The following CX3CL1 variants were observed in gnomAD, a reference collection of about 807,000 sequenced individuals.
The protein encoded by CX3CL1 is fractalkine.
Under a neutral mutation model 14.1 loss-of-function variants are expected in CX3CL1, and 1 was observed. That is an observed-to-expected ratio of 0.07 (90% CI 0.03 to 0.34). CX3CL1 has a LOEUF of 0.34. Ranked by LOEUF, CX3CL1 falls within the 10% of genes least tolerant of loss-of-function variation. CX3CL1 has a pLI of 0.99. For synonymous variants in CX3CL1, 255 were observed against 229.6 expected (o/e 1.11, Z -1.00); for missense variants, 505 against 536.4 (o/e 0.94, Z 0.58).
chr16:57,375,302 A>C (rs1902232220), intron 1 of CX3CL1, among the ~76,000 whole-genome samples: 1 of 152,094 alleles, frequency 6.6e-6, no homozygotes, highest in Non-Finnish European at 1.5e-5. Flanking sequence ...CTCTAGAGCA[A>C]TGGTCCTCAG....
intron 1 of CX3CL1, chr16:57,378,336 G>C (rs1191302844): frequency 6.6e-6 from 1 of 152,126 alleles, no homozygotes; most frequent in East Asian, 1.9e-4. Flanking sequence ...AGAATCACTT[G>C]CGGTCGGGGT....
intron 1 of CX3CL1, among the ~76,000 whole-genome samples, chr16:57,373,400 A>T (rs953825179): frequency 2.1e-4 from 32 of 152,208 alleles, no homozygotes; most frequent in African/African-American, 7.7e-4. Context: ...GTAGGGCAGG[A>T]GAAGGTAAGA....
At chr16:57,373,325 C>A (rs1370647754) in intron 1 of CX3CL1, among the ~76,000 whole-genome samples, 1 of 152,190 alleles carries the variant, frequency 6.6e-6, no homozygotes, top group Non-Finnish European at 1.5e-5. Context: ...ACCATCCTAC[C>A]TGATATGGAT....
chr16:57,381,699 A>G (rs1185230967), intron 2 of CX3CL1, among the ~76,000 whole-genome samples: 1 of 152,168 alleles, frequency 6.6e-6, no homozygotes, highest in Non-Finnish European at 1.5e-5. Flanking sequence ...AAGTAGGGTG[A>G]TCAACTCGTC....
At chr16:57,375,144 A>C (rs1178076252) in intron 1 of CX3CL1, among the ~76,000 whole-genome samples, 3 of 111,820 alleles carry the variant, frequency 2.7e-5, no homozygotes, top group African/African-American at 7.6e-5. Flanking sequence ...CATTTAAAAA[A>C]AAAAAAAAGA....
At chr16:57,376,267 T>C (rs1043476504) in intron 1 of CX3CL1, among the ~76,000 whole-genome samples, 1 of 152,250 alleles carries the variant, frequency 6.6e-6, no homozygotes, top group Non-Finnish European at 1.5e-5. Flanking sequence ...CCAGCATTTG[T>C]TGGTTGACTG....
rs1471026374 is a variant in CX3CL1, at chr16:57,381,964, C to G, written c.192-66C>G. On this transcript the variant is annotated intron_variant, in intron 2 of 2. Transcript: ENST00000006053. ...CTGCAGAGTATTGGTGCTGTGCCCC[C>G]ACACCACGCTGGCCCGGGTTTCTGG... The G allele has an allele frequency of 1.2e-5, 18 of 1,497,068 alleles. No individual in the cohort carries two copies. In the East Asian group the frequency reaches 3.9e-4, roughly 32 times the overall value. 92.7% of individuals were successfully genotyped at this position (1,497,068 alleles called of 1,614,324 possible). A position where few individuals can be genotyped will look rare whatever the true frequency, so the allele number is the denominator to read the frequency against.
At chr16:57,380,776 G>A (rs1902308848) in intron 2 of CX3CL1, among the ~76,000 whole-genome samples, 1 of 152,212 alleles carries the variant, frequency 6.6e-6, no homozygotes, top group African/African-American at 2.4e-5. Flanking sequence ...TAACCAGCCA[G>A]CCCTGAGGCC....
chr16:57,379,646 G>C lies in CX3CL1; in HGVS notation c.83G>C (p.Gly28Ala), dbSNP rs1468466971. The change falls in exon 2 of 3, where the codon GGT becomes GCT. Residue 28 changes from glycine to alanine, a missense_variant. Physicochemically the swap from Gly to Ala is moderately conservative, Grantham distance 60. Coordinates refer to ENST00000006053, the MANE Select transcript of CX3CL1 (RefSeq NM_002996.6). Reference sequence around the variant, plus strand: ...TCTTTGAACTCAGGACAGCACCACGGTGTGACGAAATGCAACATCACGTGC... The same window carrying C: ...TCTTTGAACTCAGGACAGCACCACGCTGTGACGAAATGCAACATCACGTGC... ...LTVLLAGQHH[G>A]VTKCNITCSK... 1 of 1,614,198 alleles carries C rather than the reference G, an allele frequency of 6.2e-7. No individual in the cohort carries two copies. The highest frequency in any genetic ancestry group is 2.2e-5 in the East Asian group (1 of 44,890).
At chr16:57,378,259 A>T (rs112252488) in intron 1 of CX3CL1, 2 of 152,130 alleles carry the variant, frequency 1.3e-5, no homozygotes, top group African/African-American at 2.4e-5. Context: ...TATATTTTTT[A>T]AAAAGTTTAT....
Position 57,382,830 on chromosome 16 carries a change from T to C in CX3CL1, c.992T>C (p.Val331Ala). Residue 331 changes from valine to alanine, a missense_variant, in exon 3 of 3, where the codon GTC becomes GCC. Val to Ala is a moderately conservative substitution (Grantham distance 64). Transcript: ENST00000006053. The surrounding 1 kb of genome is among the most constrained non-coding windows in gnomAD (Gnocchi z 6.9). The part of the protein sequence containing the change: ...PQRLGVLITP[V>A]PDAQAATRRQ... Reference sequence around the variant, plus strand: ...AGGCTGGGCGTCCTTATCACTCCTGTCCCTGACGCCCAGGCTGCCACCCGG... The same window carrying C: ...AGGCTGGGCGTCCTTATCACTCCTGCCCCTGACGCCCAGGCTGCCACCCGG... 2 of 1,569,478 alleles carry C rather than the reference T, an allele frequency of 1.3e-6. No homozygotes were observed. Among genetic ancestry groups the C allele is most frequent in the Non-Finnish European group, 1.7e-6 (2 of 1,154,082 alleles).
intron 1 of CX3CL1, among the ~76,000 whole-genome samples, chr16:57,374,168 C>T (rs1038637761): frequency 1.3e-5 from 2 of 152,132 alleles, no homozygotes; most frequent in East Asian, 1.9e-4. Context: ...TCCTCTCCCA[C>T]GCTGACATGT....
chr16:57,381,935 T>G, intron 2 of CX3CL1, 95 bp from the exon 3 acceptor site: 1 of 1,351,604 alleles, frequency 7.4e-7, no homozygotes, highest in Non-Finnish European at 1.0e-6. Flanking sequence ...CCGGGTGTGT[T>G]CACCTGCAGA....
At position 57,383,226 on chromosome 16, in the gene CX3CL1, G is replaced by A; in HGVS notation, c.*194G>A. ...AGCCTTGACCATTCTCCACCTGCCA[G>A]GGACAGAGGGGGTGGCCTCCCAACT... On this transcript the variant is annotated 3_prime_UTR_variant, in exon 3 of 3. Coordinates refer to ENST00000006053, the MANE Select transcript of CX3CL1 (RefSeq NM_002996.6). 3 of 438,222 alleles carry A rather than the reference G, an allele frequency of 6.8e-6. No homozygotes were observed. Among genetic ancestry groups the A allele is most frequent in the Non-Finnish European group, 1.1e-5 (3 of 262,274 alleles). The allele number at this position is 438,222 out of a possible 1,614,324, so 27.1% of individuals were successfully genotyped here.
At position 57,376,488 on chromosome 16, in the gene CX3CL1, ATGGG is replaced by A. The variant is rs1217894806; in HGVS notation, c.71-3142_71-3139del. ...GATGGATGGATGGATGGATGGATGG[ATGGG>A]TGGATAGATGGATGAATGGATGGAT... On this transcript the variant is annotated intron_variant, in intron 1 of 2. Transcript: ENST00000006053. Among the ~76,000 whole-genome samples, 1,218 of 148,130 alleles carry A rather than the reference ATGGG, an allele frequency of 8.2e-3. 11 individuals are homozygous for A. Among genetic ancestry groups the A allele is most frequent in the Middle Eastern group, 0.025 (7 of 284 alleles).
chr16:57,379,799 G>A, intron 2 of CX3CL1, 45 bp downstream of exon 2: 1 of 1,609,456 alleles, frequency 6.2e-7, no homozygotes, highest in Non-Finnish European at 8.5e-7. Flanking sequence ...TTGGGCCCTT[G>A]GAATATTCCC....
At chr16:57,379,555 G>T in intron 1 of CX3CL1, 79 bp from the exon 2 acceptor site, 1 of 1,585,808 alleles carries the variant, frequency 6.3e-7, no homozygotes, top group Admixed American at 1.7e-5. Flanking sequence ...GGGTGGTGTG[G>T]CCGGGACAAT....
At chr16:57,374,242 C>T (rs1465540801) in intron 1 of CX3CL1, among the ~76,000 whole-genome samples, 2 of 152,066 alleles carry the variant, frequency 1.3e-5, no homozygotes, top group Non-Finnish European at 2.9e-5. Context: ...GCCAGAGAGA[C>T]CCCGAGAGGA....
rs752253754 is a variant in CX3CL1, at chr16:57,382,813, C to T, written c.975C>T (p.Gly325=). Reference sequence around the variant, plus strand: ...CCACCATGGACCCCCAGAGGCTGGGCGTCCTTATCACTCCTGTCCCTGACG... The same window carrying T: ...CCACCATGGACCCCCAGAGGCTGGGTGTCCTTATCACTCCTGTCCCTGACG... ...IHATMDPQRL[G]VLITPVPDAQ... The change falls in exon 3 of 3, where the codon GGC becomes GGT. Residue 325 remains glycine (G), a synonymous_variant. Transcript: ENST00000006053. This position sits in a 1 kb window ranked among gnomAD's most constrained non-coding sequence, Gnocchi z 6.9. 4 of 1,595,266 alleles carry T rather than the reference C, an allele frequency of 2.5e-6. No individual in the cohort carries two copies. Among genetic ancestry groups the T allele is most frequent in the Admixed American group, 3.4e-5 (2 of 58,694 alleles).
Sources: gnomAD v4.1 joint callset for allele counts (sites outside exome capture counted in the v4.1 genomes callset) on GRCh38, gnomAD v4.1.1 for gene constraint, Gnocchi (gnomAD v3.1) non-coding constraint, MANE v1.5 for transcripts, NCBI Gene and HGNC (gene_info 2026-07-23, HGNC 2026-07-21) for gene names.